The following RAD54L2 variants were observed in gnomAD, a reference collection of about 807,000 sequenced individuals.
RAD54L2 encodes RAD54 like 2.
Under a neutral mutation model 138.4 loss-of-function variants are expected in RAD54L2, and 27 were observed. The ratio of observed to expected loss-of-function variants is 0.20; its 90% CI spans 0.14 to 0.27. The LOEUF (loss-of-function observed/expected upper bound fraction) is 0.27. Ranked by LOEUF, RAD54L2 falls within the 10% of genes least tolerant of loss-of-function variation. The probability of loss-of-function intolerance (pLI) is 1.00; values close to 1 mark genes in which losing one functional copy is unlikely to be tolerated. For missense variants in RAD54L2, 1,396 were observed against 1,890.2 expected, an observed-to-expected ratio of 0.74 and a Z score of 4.85; for synonymous variants, 644 against 723.2, an observed-to-expected ratio of 0.89 and a Z score of 1.76.
chr3:51,613,800 T>A (rs904043587), intron 3 of RAD54L2, among the ~76,000 whole-genome samples: 17 of 151,996 alleles, frequency 1.1e-4, no homozygotes, highest in African/African-American at 3.6e-4. Flanking sequence ...GTAGTTGTGT[T>A]TAAGAATGAT....
In RAD54L2 at chr3:51,584,630, CTA is replaced by C. The variant is rs139603411; in HGVS notation, c.-54-5719_-54-5718del. On this transcript the variant is annotated intron_variant, in intron 2 of 22. Coordinates refer to ENST00000684192, the MANE Select transcript of RAD54L2 (RefSeq NM_015106.4). Reference sequence around the variant, plus strand: ...ATACTCCGTATAGTACTCTACAGTACTATATATATATATATATATGCTATATA... The same window carrying C: ...ATACTCCGTATAGTACTCTACAGTACTATATATATATATATATGCTATATA... Among the ~76,000 whole-genome samples the C allele has an allele frequency of 5.5e-3, 774 of 139,730 alleles. 9 individuals are homozygous for C. The highest frequency in any genetic ancestry group is 0.014 in the African/African-American group (535 of 38,422). The allele number at this position is 139,730 out of a possible 152,430, so 91.7% of individuals were successfully genotyped here.
At chr3:51,582,695 C>T (rs1353989421) in intron 2 of RAD54L2, among the ~76,000 whole-genome samples, 4 of 151,774 alleles carry the variant, frequency 2.6e-5, no homozygotes, top group East Asian at 1.9e-4. Flanking sequence ...TTACTCAAGG[C>T]GTCTGGGAAT....
intron 3 of RAD54L2, among the ~76,000 whole-genome samples, chr3:51,607,088 T>C (rs1254981417): frequency 6.7e-6 from 1 of 149,538 alleles, no homozygotes. Context: ...ATTTTTTTAT[T>C]TTTTATTTTT....
At chr3:51,661,483 G>A (rs1176849351) in intron 22 of RAD54L2, among the ~76,000 whole-genome samples, 1 of 152,194 alleles carries the variant, frequency 6.6e-6, no homozygotes, top group African/African-American at 2.4e-5. Flanking sequence ...TTTTCACAGA[G>A]GTGGTTATAT....
Position 51,656,159 on chromosome 3 carries a change from T to C in RAD54L2, c.3215T>C (p.Val1072Ala), listed in dbSNP as rs1701595277. 4.3e-6 allele frequency: 7 copies of C among 1,609,422 alleles called. No individual in the cohort carries two copies. The highest frequency in any genetic ancestry group is 6.0e-6 in the Non-Finnish European group (7 of 1,176,322). ...QRAGVLVQKV[V>A]TTTDIVIPGL... Reference sequence around the variant, plus strand: ...GCAGGAGTCCTTGTGCAGAAGGTGGTCACCACGACAGGTGGGAACTCCTGG... The same window carrying C: ...GCAGGAGTCCTTGTGCAGAAGGTGGCCACCACGACAGGTGGGAACTCCTGG... Residue 1072 changes from valine to alanine, a missense_variant, in exon 20 of 23, where the codon GTC becomes GCC. Physicochemically the swap from Val to Ala is moderately conservative, Grantham distance 64 (BLOSUM62 0). Transcript: ENST00000684192.
At chr3:51,643,669 G>C (rs1701198584) in intron 15 of RAD54L2, among the ~76,000 whole-genome samples, 1 of 152,196 alleles carries the variant, frequency 6.6e-6, no homozygotes, top group African/African-American at 2.4e-5. Flanking sequence ...ATAATCCATG[G>C]TGCATGTGAG....
At chr3:51,559,456 G>T (rs1699050564) in intron 2 of RAD54L2, among the ~76,000 whole-genome samples, 1 of 152,186 alleles carries the variant, frequency 6.6e-6, no homozygotes, top group Non-Finnish European at 1.5e-5. Flanking sequence ...TGCCTCCCCT[G>T]AGTGCTTCAG....
At chr3:51,648,063 T>C (rs1410262732) in intron 19 of RAD54L2, among the ~76,000 whole-genome samples, 1 of 152,204 alleles carries the variant, frequency 6.6e-6, no homozygotes, top group Non-Finnish European at 1.5e-5. Flanking sequence ...CATGACAGAC[T>C]GTACCTGGAA....
At position 51,664,649 on chromosome 3, in the gene RAD54L2, A is replaced by G. The variant is rs1288284859; in HGVS notation, c.*1229A>G. 1 of 152,208 alleles carries G rather than the reference A, an allele frequency of 6.6e-6. No individual in the cohort carries two copies. The highest frequency in any genetic ancestry group is 1.5e-5 in the Non-Finnish European group (1 of 68,048). 9.4% of individuals were successfully genotyped at this position (152,208 alleles called of 1,614,324 possible). Reference sequence around the variant, plus strand: ...ACTGGTGAAAAACAATCCTGGATGGATGGTAAATTGACCAGGGGAAGAGTT... The same window carrying G: ...ACTGGTGAAAAACAATCCTGGATGGGTGGTAAATTGACCAGGGGAAGAGTT... On this transcript the variant is annotated 3_prime_UTR_variant, in exon 23 of 23. Transcript: ENST00000684192.
intron 19 of RAD54L2, among the ~76,000 whole-genome samples, chr3:51,654,997 G>T (rs1438406616): frequency 6.6e-6 from 1 of 152,144 alleles, no homozygotes; most frequent in African/African-American, 2.4e-5. Context: ...GAAGACACTG[G>T]GGAAACAGGC....
chr3:51,645,591 A>G lies in RAD54L2; in HGVS notation c.2657A>G (p.Asp886Gly), dbSNP rs1275186867. 6.2e-7 allele frequency: 1 copy of G among 1,609,136 alleles called. No individual in the cohort carries two copies. The highest frequency in any genetic ancestry group is 1.1e-5 in the South Asian group (1 of 89,896). Residue 886 changes from aspartate (D) to glycine (G), a missense_variant and splice_region_variant, in exon 18 of 23, where the codon GAT (aspartate) becomes GGT (glycine). Coordinates refer to ENST00000684192, the MANE Select transcript of RAD54L2 (RefSeq NM_015106.4). The surrounding 1 kb of genome is among the most constrained non-coding windows in gnomAD (Gnocchi z 6.1). ...DRQISKQGMS[D>G]RVVDDLNPML... ...TTTCTTCATGTCTTTATCCTTCTAG[A>G]TCGGGTGGTGGATGATCTAAATCCA... is the stretch of plus-strand genomic sequence containing the variant.
chr3:51,606,375 A>T (rs1300704107), intron 3 of RAD54L2, among the ~76,000 whole-genome samples: 1 of 152,174 alleles, frequency 6.6e-6, no homozygotes, highest in Non-Finnish European at 1.5e-5. Context: ...TATGGAGAGG[A>T]GTAGCCTGAG....
chr3:51,650,217 A>G (rs1242425419), intron 19 of RAD54L2, among the ~76,000 whole-genome samples: 2 of 152,252 alleles, frequency 1.3e-5, no homozygotes, highest in African/African-American at 4.8e-5. Flanking sequence ...AAAGGAATCA[A>G]TGCAACAAGA....
rs777653301 is a variant in RAD54L2, at chr3:51,645,270, G to C, written c.2656+41G>C. On this transcript the variant is annotated intron_variant, in intron 17 of 22. Transcript: ENST00000684192. The surrounding 1 kb of genome is among the most constrained non-coding windows in gnomAD (Gnocchi z 6.1). Reference sequence around the variant, plus strand: ...GACTTCGGAGAGGCACATCTATACAGGCTACCATCCTTTTAGTATCAAGGG... The same window carrying C: ...GACTTCGGAGAGGCACATCTATACACGCTACCATCCTTTTAGTATCAAGGG... 1 of 1,533,864 alleles carries C rather than the reference G, an allele frequency of 6.5e-7. No homozygotes were observed. Among genetic ancestry groups the C allele is most frequent in the Admixed American group, 1.9e-5 (1 of 54,010 alleles).
In RAD54L2 at chr3:51,571,078, C is replaced by T. The variant is rs920719150; in HGVS notation, c.-54-19289C>T. ...TCAGGTGATACACCCGCCTCAGCCT[C>T]CCGAAGTGTTGGGATTATAGGAGTA... On this transcript the variant is annotated intron_variant, in intron 2 of 22. Transcript: ENST00000684192. Among the ~76,000 whole-genome samples the T allele has an allele frequency of 3.3e-5, 5 of 152,316 alleles. No homozygotes were observed. In the South Asian group the frequency reaches 1.0e-3, roughly 32 times the overall value.
Position 51,590,397 on chromosome 3 carries a change from G to C in RAD54L2, c.-24G>C, listed in dbSNP as rs1362870837. 1.3e-6 allele frequency: 2 copies of C among 1,506,346 alleles called. No homozygotes were observed. Among genetic ancestry groups the C allele is most frequent in the East Asian group, 4.9e-5 (2 of 40,442 alleles). 93.3% of individuals were successfully genotyped at this position (1,506,346 alleles called of 1,614,324 possible). On this transcript the variant is annotated 5_prime_UTR_variant, in exon 3 of 23. An upstream start codon of the reference 5' UTR is lost. Transcript: ENST00000684192. ...CTGCAGTGGACCATGAGTCGGTAATGCCCACTGAGGACCTCTGGGAGCCAT... is the reference window on the plus strand; with the variant it reads ...CTGCAGTGGACCATGAGTCGGTAATCCCCACTGAGGACCTCTGGGAGCCAT...
intron 19 of RAD54L2, among the ~76,000 whole-genome samples, chr3:51,652,022 G>A (rs2106837871): frequency 6.6e-6 from 1 of 152,288 alleles, no homozygotes; most frequent in East Asian, 1.9e-4. Context: ...TGACATGATT[G>A]TATATTTAGA....
chr3:51,614,919 AT>A (rs999915370), intron 3 of RAD54L2, among the ~76,000 whole-genome samples: 145 of 146,828 alleles, frequency 9.9e-4, no homozygotes, highest in Admixed American at 3.5e-3. Flanking sequence ...ATGATGAGGA[AT>A]TTTTTTTTTT....
At chr3:51,562,145 C>T (rs1287707166) in intron 2 of RAD54L2, among the ~76,000 whole-genome samples, 2 of 151,932 alleles carry the variant, frequency 1.3e-5, no homozygotes, top group Non-Finnish European at 1.5e-5. Context: ...AAGCGATTAT[C>T]GTGCCTCAGC....
Sources: gnomAD v4.1 joint callset for allele counts (sites outside exome capture counted in the v4.1 genomes callset) on GRCh38, gnomAD v4.1.1 for gene constraint, Gnocchi (gnomAD v3.1) non-coding constraint, MANE v1.5 for transcripts, NCBI Gene and HGNC (gene_info 2026-07-23, HGNC 2026-07-21) for gene names.